The following CSMD3 variants were observed in gnomAD, a reference collection of about 807,000 sequenced individuals.
CSMD3 encodes the protein CUB and Sushi multiple domains 3, also known as CUB and sushi domain-containing protein 3.
In CSMD3, 177 loss-of-function variants were observed where a neutral mutation model predicts 435.2. That is an observed-to-expected ratio of 0.41 (90% CI 0.36 to 0.46). The LOEUF (loss-of-function observed/expected upper bound fraction) is 0.46. Ranked by LOEUF, CSMD3 falls within the 20% of genes least tolerant of loss-of-function variation. The pLI is 0.34. For synonymous variants in CSMD3, 1,656 were observed against 1,520.5 expected (o/e 1.09, Z -2.07); for missense variants, 4,265 against 4,504.6 (o/e 0.95, Z 1.52).
intron 6 of CSMD3, among the ~76,000 whole-genome samples, chr8:112,982,642 C>T (rs2085095785): frequency 6.6e-6 from 1 of 151,852 alleles, no homozygotes; most frequent in African/African-American, 2.4e-5. Context: ...CATTTTCATA[C>T]CCTTGTTTTC....
At chr8:112,934,265 A>G (rs191105343) in intron 9 of CSMD3, among the ~76,000 whole-genome samples, 36 of 152,308 alleles carry the variant, frequency 2.4e-4, no homozygotes, top group Non-Finnish European at 7.4e-5. Flanking sequence ...TCTTAATAAA[A>G]TTCAAAATAA....
chr8:113,088,871 T>G (rs1426511608), intron 5 of CSMD3, among the ~76,000 whole-genome samples: 1 of 151,798 alleles, frequency 6.6e-6, no homozygotes, highest in Non-Finnish European at 1.5e-5. Context: ...AATAAAAAAA[T>G]AAAATAAATA....
At chr8:113,072,138 T>C (rs1299919356) in intron 5 of CSMD3, among the ~76,000 whole-genome samples, 1 of 151,858 alleles carries the variant, frequency 6.6e-6, no homozygotes, top group African/African-American at 2.4e-5. Flanking sequence ...TAACTAATTT[T>C]TGCATGTTGA....
intron 5 of CSMD3, among the ~76,000 whole-genome samples, chr8:113,056,632 C>G (rs2131347581): frequency 6.6e-6 from 1 of 152,312 alleles, no homozygotes; most frequent in African/African-American, 2.4e-5. Flanking sequence ...TCTCTTCACT[C>G]TCAGAAGGCC....
intron 42 of CSMD3, among the ~76,000 whole-genome samples, chr8:112,338,992 A>C (rs1217580003): frequency 6.6e-6 from 1 of 152,036 alleles, no homozygotes; most frequent in Non-Finnish European, 1.5e-5. Context: ...AGGTGGGAGA[A>C]TTGGGTCTGG....
chr8:112,585,663 G>C (rs992133668), intron 23 of CSMD3, among the ~76,000 whole-genome samples: 3 of 151,574 alleles, frequency 2.0e-5, no homozygotes, highest in Admixed American at 2.0e-4. Flanking sequence ...AAATATTTTA[G>C]GTAGAACAAT....
chr8:112,276,955 G>A (rs761995786), intron 59 of CSMD3, among the ~76,000 whole-genome samples: 1 of 151,836 alleles, frequency 6.6e-6, no homozygotes, highest in Non-Finnish European at 1.5e-5. Context: ...AAGGCCCTGG[G>A]TTTGACTCAC....
intron 53 of CSMD3, among the ~76,000 whole-genome samples, chr8:112,300,975 C>A (rs932391579): frequency 6.6e-6 from 1 of 152,028 alleles, no homozygotes; most frequent in Non-Finnish European, 1.5e-5. Context: ...TGATAATCAG[C>A]AATTTTTAAA....
At chr8:112,265,157 T>C (rs1217182681) in intron 60 of CSMD3, among the ~76,000 whole-genome samples, 1 of 151,982 alleles carries the variant, frequency 6.6e-6, no homozygotes, top group Non-Finnish European at 1.5e-5. Flanking sequence ...ATGGACATAA[T>C]ATTTTACTTA....
At chr8:112,721,282 G>A (rs2076851353) in intron 13 of CSMD3, among the ~76,000 whole-genome samples, 1 of 152,126 alleles carries the variant, frequency 6.6e-6, no homozygotes, top group Admixed American at 6.6e-5. Context: ...CATTAGAAAT[G>A]TTAAAATATT....
At chr8:112,690,677 TC>T (rs2058109464) in intron 13 of CSMD3, among the ~76,000 whole-genome samples, 1 of 151,166 alleles carries the variant, frequency 6.6e-6, no homozygotes, top group South Asian at 2.1e-4. Flanking sequence ...AATAAATGTT[TC>T]TTGGATGAGT....
chr8:113,121,334 G>A (rs912655524), intron 4 of CSMD3, among the ~76,000 whole-genome samples: 2 of 152,040 alleles, frequency 1.3e-5, no homozygotes, highest in Non-Finnish European at 2.9e-5. Context: ...TCAGGGTGGC[G>A]TGCTAATGCT....
intron 32 of CSMD3, among the ~76,000 whole-genome samples, chr8:112,445,317 T>G (rs1815476536): frequency 6.6e-6 from 1 of 152,116 alleles, no homozygotes; most frequent in Non-Finnish European, 1.5e-5. Flanking sequence ...TTTGTTGCTA[T>G]GAAGGACTAC....
chr8:113,369,873 G>A (rs879751912), intron 1 of CSMD3, among the ~76,000 whole-genome samples: 9 of 151,822 alleles, frequency 5.9e-5, no homozygotes, highest in Non-Finnish European at 1.2e-4. Flanking sequence ...CATAGAAATA[G>A]AGAGTAGAAT....
chr8:113,176,904 A>G (rs73344384), intron 3 of CSMD3, among the ~76,000 whole-genome samples: 1 of 152,010 alleles, frequency 6.6e-6, no homozygotes, highest in Non-Finnish European at 1.5e-5. Context: ...CTTAAAAAAA[A>G]AAATAAAGTA....
rs79136746 is a variant in CSMD3 at position 113,275,987 on chromosome 8, G to A, written c.514+2605C>T. The stretch of plus-strand genomic sequence containing the variant: ...AAAAACTGGATCCAAATGCAGGGGA[G>A]TGGGAGACAGATTTTGTAATTCCAA... On this transcript the variant is annotated intron_variant, in intron 3 of 70. Coordinates refer to ENST00000297405, the MANE Select transcript of CSMD3 (RefSeq NM_198123.2). Among the ~76,000 whole-genome samples the A allele has an allele frequency of 8.5e-3, 1,289 of 152,186 alleles. 16 individuals carry two copies. The highest frequency in any genetic ancestry group is 0.029 in the African/African-American group (1,209 of 41,538).
At position 112,296,074 on chromosome 8, in the gene CSMD3, T is replaced by C. The variant is rs1820235936; in HGVS notation, c.8441-68A>G. ...TTTTATTTGTATATTTATATACATG[T>C]GGAACATGAGCAAACCTTTAAAGTT... is the stretch of plus-strand genomic sequence containing the variant. On this transcript the variant is annotated intron_variant, in intron 53 of 70. Transcript: ENST00000297405. The C allele has an allele frequency of 2.3e-6, 3 of 1,278,462 alleles. No homozygotes were observed. In the East Asian group the frequency reaches 7.5e-5, roughly 32 times the overall value. 79.2% of individuals were successfully genotyped at this position (1,278,462 alleles called of 1,614,324 possible).
At chr8:112,588,952 G>A (rs540364016) in intron 22 of CSMD3, among the ~76,000 whole-genome samples, 11 of 152,176 alleles carry the variant, frequency 7.2e-5, no homozygotes, top group African/African-American at 2.6e-4. Context: ...GAAGACAAAT[G>A]TAATCTGGAT....
rs1359864974 is a variant in CSMD3 at position 112,292,404 on chromosome 8, T to G, written c.8788+133A>C. The G allele has an allele frequency of 4.0e-6, 3 of 744,724 alleles. No individual in the cohort carries two copies. The East Asian group carries it at 7.7e-5, about 19-fold the overall frequency. 46.1% of individuals were successfully genotyped at this position (744,724 alleles called of 1,614,324 possible). On this transcript the variant is annotated intron_variant, in intron 55 of 70. Coordinates refer to ENST00000297405, the MANE Select transcript of CSMD3 (RefSeq NM_198123.2). ...GGAAAGCATTGTTAATGAGATGACA[T>G]CAGTATTAAAGCTTTTTGTTTTATT...
Sources: gnomAD v4.1 joint callset for allele counts (sites outside exome capture counted in the v4.1 genomes callset) on GRCh38, gnomAD v4.1.1 for gene constraint, MANE v1.5 for transcripts, NCBI Gene and HGNC (gene_info 2026-07-23, HGNC 2026-07-21) for gene names.